Variants in CPS1 observed in about 807,000 individuals in gnomAD.
The protein encoded by CPS1 is carbamoyl-phosphate synthase [ammonia], mitochondrial.
Under a neutral mutation model 174.6 loss-of-function variants are expected in CPS1, and 109 were observed. The ratio of observed to expected loss-of-function variants is 0.62; its 90% CI spans 0.53 to 0.73. The LOEUF is 0.73. Among genes scored for constraint, CPS1 ranks in the 30% least tolerant of loss-of-function variants. The probability of loss-of-function intolerance (pLI) is 0.00; values close to 1 mark genes in which losing one functional copy is unlikely to be tolerated. For synonymous variants in CPS1, 637 were observed against 632.0 expected, an observed-to-expected ratio of 1.01 and a Z score of -0.12; for missense variants, 1,689 against 1,821.9, an observed-to-expected ratio of 0.93 and a Z score of 1.33.
chr2:210,609,398 G>A (rs1272657277), intron 19 of CPS1, among the ~76,000 whole-genome samples: 1 of 151,908 alleles, frequency 6.6e-6, no homozygotes, highest in Non-Finnish European at 1.5e-5. Context: ...TCTTGGCATT[G>A]CCACTTATTA....
chr2:210,502,501 GAT>G (rs1247667616), intron 1 of CPS1, among the ~76,000 whole-genome samples: 6 of 147,420 alleles, frequency 4.1e-5, no homozygotes, highest in African/African-American at 7.4e-5. Flanking sequence ...TAAATATAGA[GAT>G]ATATTTTTTA....
chr2:210,650,414 A>G lies in CPS1; in HGVS notation c.3456A>G (p.Leu1152=). Residue 1152 remains leucine, a synonymous_variant, in exon 28 of 38, where the codon CTA becomes CTG. Transcript: ENST00000233072. ...CTGAGGATGAGATGAAAAAATTCCT[A>G]GAAGAGGCGACTAGAGTTTCTCAGG... The part of the protein sequence containing the change: ...VFSEDEMKKF[L]EEATRVSQEH... 6.2e-7 allele frequency: 1 copy of G among 1,613,364 alleles called. No individual in the cohort carries two copies. Among genetic ancestry groups the G allele is most frequent in the African/African-American group, 1.3e-5 (1 of 75,016 alleles).
Position 210,678,643 on chromosome 2 carries a change from A to G in CPS1, c.*658A>G, listed in dbSNP as rs559191307. The G allele has an allele frequency of 7.7e-4, 118 of 153,506 alleles. No individual in the cohort carries two copies. In the South Asian group the frequency reaches 0.023, roughly 30 times the overall value. The allele number at this position is 153,506 out of a possible 1,614,324, so 9.5% of individuals were successfully genotyped here. On this transcript the variant is annotated 3_prime_UTR_variant, in exon 38 of 38. Coordinates refer to ENST00000233072, the MANE Select transcript of CPS1 (RefSeq NM_001875.5). ...GATGGAGTCACACTCTCCAGGCTGGAGTGCAGTGGCACAATCTCGGCTCAC... is the reference window on the plus strand; with the variant it reads ...GATGGAGTCACACTCTCCAGGCTGGGGTGCAGTGGCACAATCTCGGCTCAC...
At chr2:210,626,014 A>G (rs981668658) in intron 21 of CPS1, among the ~76,000 whole-genome samples, 1 of 152,152 alleles carries the variant, frequency 6.6e-6, no homozygotes, top group African/African-American at 2.4e-5. Context: ...AATATTGCAT[A>G]TATCCTAATA....
intron 1 of CPS1, among the ~76,000 whole-genome samples, chr2:210,535,742 A>G (rs1696230383): frequency 6.6e-6 from 1 of 152,048 alleles, no homozygotes; most frequent in East Asian, 1.9e-4. Context: ...TTTCAAAAAC[A>G]TTATCCCAGC....
intron 26 of CPS1, 120 bp from the exon 27 acceptor site, chr2:210,648,353 T>G (rs1432329821): frequency 1.2e-6 from 1 of 820,776 alleles, no homozygotes; most frequent in African/African-American, 1.7e-5. Context: ...CAATTTACAT[T>G]TAATGGTGCC....
Position 210,616,367 on chromosome 2 carries a change from A to C in CPS1, c.2569-56A>C, listed in dbSNP as rs1699304526. The C allele has an allele frequency of 4.0e-6, 5 of 1,238,306 alleles. No homozygotes were observed. The East Asian group carries it at 1.2e-4, about 29-fold the overall frequency. The allele number at this position is 1,238,306 out of a possible 1,614,324, so 76.7% of individuals were successfully genotyped here. A position where few individuals can be genotyped will look rare whatever the true frequency, so the allele number is the denominator to read the frequency against. On this transcript the variant is annotated intron_variant, in intron 20 of 37. Transcript: ENST00000233072. ...CATGACTGCTATGTATTTTAAACCA[A>C]ATAAGACATTTAGAAAAATGTTTGC...
intron 24 of CPS1, 54 bp downstream of exon 24, chr2:210,640,113 T>A: frequency 1.8e-6 from 2 of 1,090,360 alleles, no homozygotes; most frequent in South Asian, 2.6e-5. Context: ...TATAGTTTTC[T>A]TCATACATGT....
chr2:210,609,348 G>C (rs1222337220), intron 19 of CPS1, among the ~76,000 whole-genome samples: 4 of 151,930 alleles, frequency 2.6e-5, no homozygotes, highest in Non-Finnish European at 2.9e-5. Context: ...GGATAGTGGA[G>C]AAAACATGAA....
At chr2:210,643,921 A>G (rs1029982301) in intron 25 of CPS1, among the ~76,000 whole-genome samples, 5 of 152,128 alleles carry the variant, frequency 3.3e-5, no homozygotes, top group South Asian at 2.1e-4. Flanking sequence ...CAGGTTCAGT[A>G]TGATAGACAG....
chr2:210,577,063 C>T (rs1697735072), intron 3 of CPS1: 1 of 290,950 alleles, frequency 3.4e-6, no homozygotes, highest in South Asian at 3.8e-5. Context: ...TCACAATTTC[C>T]CATCAATTTT....
chr2:210,535,726 C>T (rs1413263405), intron 1 of CPS1, among the ~76,000 whole-genome samples: 2 of 151,648 alleles, frequency 1.3e-5, no homozygotes, highest in African/African-American at 4.8e-5. Flanking sequence ...AATACATCTG[C>T]TAATATTTCA....
intron 1 of CPS1, among the ~76,000 whole-genome samples, chr2:210,514,999 T>G (rs1403803477): frequency 6.6e-6 from 1 of 151,824 alleles, no homozygotes; most frequent in African/African-American, 2.4e-5. Flanking sequence ...AAATCGAATT[T>G]ATTGATATGT....
intron 21 of CPS1, among the ~76,000 whole-genome samples, chr2:210,622,297 A>G (rs770804388): frequency 2.6e-5 from 4 of 151,708 alleles, no homozygotes; most frequent in Non-Finnish European, 5.9e-5. Context: ...AAAATAATAC[A>G]TATATGTGTA....
At chr2:210,628,324 T>A (rs1415201473) in intron 21 of CPS1, among the ~76,000 whole-genome samples, 1 of 152,162 alleles carries the variant, frequency 6.6e-6, no homozygotes, top group African/African-American at 2.4e-5. Flanking sequence ...TCCATGTAGG[T>A]AGTAAGCCTC....
At chr2:210,672,253 G>C (rs1006456368) in intron 34 of CPS1, 3 of 152,108 alleles carry the variant, frequency 2.0e-5, no homozygotes, top group Non-Finnish European at 4.4e-5. Flanking sequence ...ACTTATTATT[G>C]TCAAACATAT....
intron 30 of CPS1, among the ~76,000 whole-genome samples, chr2:210,656,948 G>T (rs1700727899): frequency 6.6e-6 from 1 of 152,044 alleles, no homozygotes; most frequent in Non-Finnish European, 1.5e-5. Context: ...CATATTTCTG[G>T]ATCGGGCTCC....
At chr2:210,592,129 C>T (rs956511814) in intron 10 of CPS1, among the ~76,000 whole-genome samples, 160 bp downstream of exon 10, 2 of 151,996 alleles carry the variant, frequency 1.3e-5, no homozygotes, top group African/African-American at 4.8e-5. Context: ...TAACCATCAC[C>T]TCATTTTTTA....
At chr2:210,650,528 C>A in intron 28 of CPS1, 90 bp downstream of exon 28, 3 of 936,062 alleles carry the variant, frequency 3.2e-6, no homozygotes, top group Non-Finnish European at 5.3e-6. Flanking sequence ...ACATTTATCT[C>A]TTAATGCAAC....
Sources: gnomAD v4.1 joint callset for allele counts (sites outside exome capture counted in the v4.1 genomes callset) on GRCh38, gnomAD v4.1.1 for gene constraint, MANE v1.5 for transcripts, NCBI Gene and HGNC (gene_info 2026-07-23, HGNC 2026-07-21) for gene names.